Variants in GRHL2 observed in about 807,000 individuals in gnomAD.
GRHL2 encodes the protein grainyhead-like protein 2 homolog.
In GRHL2, 21 loss-of-function variants were observed where a neutral mutation model predicts 83.8. The ratio of observed to expected loss-of-function variants is 0.25; its 90% confidence interval spans 0.18 to 0.36. The LOEUF is 0.36. Ranked by LOEUF, GRHL2 falls within the 10% of genes least tolerant of loss-of-function variation. The probability of loss-of-function intolerance (pLI) is 1.00; values close to 1 mark genes in which losing one functional copy is unlikely to be tolerated. For synonymous variants in GRHL2, 280 were observed against 278.9 expected (o/e 1.00, Z -0.04); for missense variants, 623 against 781.8 (o/e 0.80, Z 2.42).
downstream of GRHL2, among the ~76,000 whole-genome samples, chr8:101,670,623 T>G (rs16868197): frequency 0.12 from 17,635 of 152,244 alleles, 1,114 homozygotes; most frequent in South Asian, 0.21. Flanking sequence ...TCTCCCCAGC[T>G]GTCCAAGTAG....
intron 1 of GRHL2, among the ~76,000 whole-genome samples, chr8:101,534,445 G>T (rs1385455876): frequency 6.6e-6 from 1 of 152,122 alleles, no homozygotes; most frequent in East Asian, 1.9e-4. Flanking sequence ...GTAGGGGAGA[G>T]ACTTACAAAG....
At chr8:101,582,776 C>A (rs1425424320) in intron 7 of GRHL2, among the ~76,000 whole-genome samples, 1 of 152,140 alleles carries the variant, frequency 6.6e-6, no homozygotes, top group Non-Finnish European at 1.5e-5. Context: ...GTTTCTTGCT[C>A]TTTGTTGCTT....
chr8:101,674,871 G>T, the GRHL2 span, among the ~76,000 whole-genome samples: 1 of 151,978 alleles, frequency 6.6e-6, no homozygotes, highest in African/African-American at 2.4e-5. Context: ...TGATCAAGTG[G>T]GCTTCATCCC....
At chr8:101,597,334 G>C (rs1054755021) in intron 7 of GRHL2, among the ~76,000 whole-genome samples, 10 of 152,172 alleles carry the variant, frequency 6.6e-5, no homozygotes, top group African/African-American at 2.4e-4. Flanking sequence ...TGGAGCCACA[G>C]TTAGAAATAG....
At chr8:101,572,256 C>A (rs1168248530) in intron 5 of GRHL2, among the ~76,000 whole-genome samples, 1 of 152,112 alleles carries the variant, frequency 6.6e-6, no homozygotes, top group Non-Finnish European at 1.5e-5. Context: ...TTCAATGGTA[C>A]TGTGTTGAAA....
chr8:101,573,856 A>C lies in GRHL2; in HGVS notation c.891+32A>C, dbSNP rs540371435. 14 of 1,613,096 alleles carry C rather than the reference A, an allele frequency of 8.7e-6. No homozygotes were observed. The African/African-American group carries it at 1.3e-4, about 15-fold the overall frequency. Reference sequence around the variant, plus strand: ...GCCACATTTCTCAGATAAAGTACAAAGGAATCCGATGAACGGAATGGCTAC... The same window carrying C: ...GCCACATTTCTCAGATAAAGTACAACGGAATCCGATGAACGGAATGGCTAC... On this transcript the variant is annotated intron_variant, in intron 6 of 15. Coordinates refer to ENST00000646743, the MANE Select transcript of GRHL2 (RefSeq NM_024915.4).
intron 1 of GRHL2, chr8:101,529,564 G>A (rs909678140): frequency 8.7e-5 from 21 of 240,600 alleles, no homozygotes; most frequent in African/African-American, 4.8e-4. Flanking sequence ...CGTCTTGGTC[G>A]CCATCTTGTT....
At chr8:101,628,325 T>A (rs1378614229) in intron 9 of GRHL2, among the ~76,000 whole-genome samples, 1 of 151,980 alleles carries the variant, frequency 6.6e-6, no homozygotes, top group Non-Finnish European at 1.5e-5. Context: ...AGTCTGCTTG[T>A]GCTCTGTAAA....
At chr8:101,588,448 A>T (rs947164110) in intron 7 of GRHL2, among the ~76,000 whole-genome samples, 2 of 152,232 alleles carry the variant, frequency 1.3e-5, no homozygotes, top group African/African-American at 4.8e-5. Flanking sequence ...TGCAAAAATC[A>T]TTCCTGCAAC....
At chr8:101,624,239 G>T (rs142447920) in intron 9 of GRHL2, among the ~76,000 whole-genome samples, 11 of 139,238 alleles carry the variant, frequency 7.9e-5, no homozygotes, top group Non-Finnish European at 1.6e-4. Context: ...AGGACAGTAC[G>T]CAGTAGGACA....
At position 101,664,252 on chromosome 8, in the gene GRHL2, T is replaced by C. The variant is rs552788863; in HGVS notation, c.1699-202T>C. Among the ~76,000 whole-genome samples, 3 of 152,340 alleles carry C rather than the reference T, an allele frequency of 2.0e-5. No individual in the cohort carries two copies. In the East Asian group the frequency reaches 5.8e-4, roughly 29 times the overall value. ...ACTTTTATCATAGATTGAATTCCCA[T>C]GAGGCTGGGTTTTTTGTTGAATGAT... On this transcript the variant is annotated intron_variant, in intron 14 of 15. Transcript: ENST00000646743.
In GRHL2 at chr8:101,492,501, G is replaced by C. The variant is rs895137900; in HGVS notation, c.-269G>C. 4 of 580,284 alleles carry C rather than the reference G, an allele frequency of 6.9e-6. No individual in the cohort carries two copies. The highest frequency in any genetic ancestry group is 1.2e-5 in the Non-Finnish European group (4 of 324,036). The allele number at this position is 580,284 out of a possible 1,614,324, so 35.9% of individuals were successfully genotyped here. On this transcript the variant is annotated 5_prime_UTR_variant, in exon 1 of 16. Coordinates refer to ENST00000646743, the MANE Select transcript of GRHL2 (RefSeq NM_024915.4). ...CTGCTCTGTGTCTGCCCATTGCCAC[G>C]ATCCAGGAGGACTCCGCGCCGCCCG... is the stretch of plus-strand genomic sequence containing the variant.
intron 11 of GRHL2, chr8:101,636,657 T>G: frequency 1.8e-6 from 1 of 540,570 alleles, no homozygotes. Context: ...CCAATTTTAT[T>G]TTATTAAAAT....
At chr8:101,629,682 T>C (rs1331205951) in intron 9 of GRHL2, among the ~76,000 whole-genome samples, 1 of 152,154 alleles carries the variant, frequency 6.6e-6, no homozygotes, top group African/African-American at 2.4e-5. Context: ...AATGTTATAT[T>C]GTACAGAGTC....
At chr8:101,677,156 T>C in the GRHL2 span, among the ~76,000 whole-genome samples, 2 of 151,878 alleles carry the variant, frequency 1.3e-5, no homozygotes, top group Non-Finnish European at 2.9e-5. Context: ...GGCACATGTA[T>C]ACATATGTAA....
At chr8:101,626,241 T>C (rs574832012) in intron 9 of GRHL2, among the ~76,000 whole-genome samples, 1 of 152,086 alleles carries the variant, frequency 6.6e-6, no homozygotes, top group Non-Finnish European at 1.5e-5. Context: ...CTATTTACAG[T>C]TCTCCAGCTT....
In GRHL2 at chr8:101,558,706, A is replaced by G. The variant is rs377685568; in HGVS notation, c.572A>G (p.Gln191Arg). ...EQRVVIFEQT[Q>R]YDVPSLATHS... Reference sequence around the variant, plus strand: ...CGAGTGGTTATCTTTGAACAGACTCAGTATGACGTGCCCTCGCTGGCCACC... The same window carrying G: ...CGAGTGGTTATCTTTGAACAGACTCGGTATGACGTGCCCTCGCTGGCCACC... The change falls in exon 4 of 16, where the codon CAG becomes CGG. Residue 191 changes from glutamine (Q) to arginine (R), a missense_variant. By Grantham distance (43) the Gln-to-Arg change is conservative. This residue lies in a region of GRHL2 where 239 missense variants were observed against 240.5 expected (regional missense o/e 0.99). Coordinates refer to ENST00000646743, the MANE Select transcript of GRHL2 (RefSeq NM_024915.4). The G allele has an allele frequency of 1.9e-6, 3 of 1,614,068 alleles. No homozygotes were observed. Among genetic ancestry groups the G allele is most frequent in the Non-Finnish European group, 2.5e-6 (3 of 1,180,038 alleles).
chr8:101,616,110 T>C lies in GRHL2; in HGVS notation c.1099-3429T>C, dbSNP rs1035874788. Among the ~76,000 whole-genome samples the C allele has an allele frequency of 1.5e-4, 22 of 148,558 alleles. No homozygotes were observed. In the East Asian group the frequency reaches 2.5e-3, roughly 17 times the overall value. ...TTTCTCTTTCTTTCTTCTTTCTTTC[T>C]TTCTTCCTCTTTCTTTCTTTTTCTT... On this transcript the variant is annotated intron_variant, in intron 8 of 15. Transcript: ENST00000646743.
intron 8 of GRHL2, among the ~76,000 whole-genome samples, chr8:101,611,814 C>T (rs4734029): frequency 0.28 from 41,595 of 150,398 alleles, 6,661 homozygotes; most frequent in Middle Eastern, 0.34. Context: ...CACTCCCTGC[C>T]TTTCAGGTTC....
Sources: allele counts gnomAD v4.1 joint callset (sites outside exome capture counted in the v4.1 genomes callset), GRCh38; gene constraint gnomAD v4.1.1; regional missense constraint gnomAD v4.1.1; transcripts MANE v1.5; gene names NCBI Gene and HGNC (gene_info 2026-07-23, HGNC 2026-07-21).